The following SLC9C2 variants were observed in gnomAD, a reference collection of about 807,000 sequenced individuals.
The protein encoded by SLC9C2 is sodium/hydrogen exchanger 11.
Under a neutral mutation model 140.2 loss-of-function variants are expected in SLC9C2, and 75 were observed. The ratio of observed to expected loss-of-function variants is 0.53; its 90% CI spans 0.44 to 0.65. The LOEUF (loss-of-function observed/expected upper bound fraction) is 0.65, where lower values mean the gene tolerates loss of function less well. SLC9C2 is among the 30% of genes least tolerant of loss of function. The pLI is 0.00. For synonymous variants in SLC9C2, 375 were observed against 420.9 expected (o/e 0.89, Z 1.34); for missense variants, 1,074 against 1,331.8 (o/e 0.81, Z 3.01).
chr1:173,547,177 T>C (rs1052712097), intron 13 of SLC9C2, among the ~76,000 whole-genome samples: 1 of 152,098 alleles, frequency 6.6e-6, no homozygotes, highest in African/African-American at 2.4e-5. Flanking sequence ...AAATGTACAA[T>C]TTGACAAGCT....
chr1:173,589,585 T>C (rs1010796520), intron 4 of SLC9C2, among the ~76,000 whole-genome samples: 2 of 151,934 alleles, frequency 1.3e-5, no homozygotes, highest in Non-Finnish European at 2.9e-5. Flanking sequence ...TATAAATAAA[T>C]AAAAAGAATT....
At chr1:173,512,826 T>A (rs1195621275) in intron 23 of SLC9C2, among the ~76,000 whole-genome samples, 3 of 152,246 alleles carry the variant, frequency 2.0e-5, no homozygotes, top group Non-Finnish European at 4.4e-5. Context: ...ATATGTTCCA[T>A]CAATACCTAC....
At position 173,505,230 on chromosome 1, in the gene SLC9C2, A is replaced by G. The variant is rs1480585298; in HGVS notation, c.3310+17T>C. 2 of 1,598,894 alleles carry G rather than the reference A, an allele frequency of 1.3e-6. No individual in the cohort carries two copies. The highest frequency in any genetic ancestry group is 1.1e-5 in the South Asian group (1 of 89,932). ...CCTTCTCAATAGTTTTCCTACCACT[A>G]AAGGTCTACCCCTTACCCATGACAT... On this transcript the variant is annotated intron_variant, in intron 26 of 27. Coordinates refer to ENST00000367714, the MANE Select transcript of SLC9C2 (RefSeq NM_178527.4).
intron 11 of SLC9C2, among the ~76,000 whole-genome samples, chr1:173,550,436 A>ATTTTTT (rs1467477294): frequency 5.7e-5 from 7 of 122,898 alleles, no homozygotes; most frequent in African/African-American, 2.3e-4. Flanking sequence ...TTATTTATTT[A>ATTTTTT]TTTATTTATT....
chr1:173,526,813 A>G (rs1661234695), intron 18 of SLC9C2, 99 bp from the exon 19 acceptor site: 1 of 781,462 alleles, frequency 1.3e-6, no homozygotes, highest in Non-Finnish European at 2.1e-6. Context: ...CCTGAGAAGC[A>G]TACTTATTAT....
At chr1:173,569,297 T>A (rs1453374716) in intron 9 of SLC9C2, among the ~76,000 whole-genome samples, 1 of 151,946 alleles carries the variant, frequency 6.6e-6, no homozygotes, top group Non-Finnish European at 1.5e-5. Flanking sequence ...CCTCAGTATG[T>A]CACTTGCATT....
chr1:173,504,661 T>C (rs895353657), intron 26 of SLC9C2, among the ~76,000 whole-genome samples: 7 of 152,060 alleles, frequency 4.6e-5, no homozygotes, highest in Non-Finnish European at 7.4e-5. Flanking sequence ...AGATGGAAGA[T>C]CTTGTGTGTG....
intron 13 of SLC9C2, among the ~76,000 whole-genome samples, chr1:173,541,100 T>C (rs920032033): frequency 1.3e-5 from 2 of 151,888 alleles, no homozygotes; most frequent in Non-Finnish European, 2.9e-5. Flanking sequence ...TGTGCTGTAC[T>C]CAGGAGACTC....
chr1:173,569,779 G>C (rs111866518), intron 9 of SLC9C2, among the ~76,000 whole-genome samples: 1 of 152,018 alleles, frequency 6.6e-6, no homozygotes, highest in Non-Finnish European at 1.5e-5. Context: ...GCAAGACCCT[G>C]TCCCAAAAAG....
At chr1:173,562,866 T>G (rs1047479997) in intron 9 of SLC9C2, among the ~76,000 whole-genome samples, 1 of 152,152 alleles carries the variant, frequency 6.6e-6, no homozygotes, top group African/African-American at 2.4e-5. Context: ...AGCTGATCCC[T>G]TCCCCCAGGG....
At chr1:173,501,327 T>C (rs373320622) in intron 27 of SLC9C2, among the ~76,000 whole-genome samples, 1 of 151,858 alleles carries the variant, frequency 6.6e-6, no homozygotes, top group Non-Finnish European at 1.5e-5. Context: ...TCCATGAGAG[T>C]AGTCTATCAA....
At chr1:173,515,867 T>A (rs1660380917) in intron 23 of SLC9C2, among the ~76,000 whole-genome samples, 1 of 152,210 alleles carries the variant, frequency 6.6e-6, no homozygotes, top group Admixed American at 6.5e-5. Flanking sequence ...TTTGTTGTTG[T>A]TGATGCTGTT....
At chr1:173,564,267 G>A (rs541816167) in intron 9 of SLC9C2, among the ~76,000 whole-genome samples, 9 of 152,266 alleles carry the variant, frequency 5.9e-5, no homozygotes, top group Non-Finnish European at 1.3e-4. Context: ...ACTTTTTTGA[G>A]GAACCTCCAA....
intron 9 of SLC9C2, among the ~76,000 whole-genome samples, chr1:173,568,376 G>A (rs1400495495): frequency 1.3e-5 from 2 of 149,838 alleles, no homozygotes; most frequent in Admixed American, 1.3e-4. Flanking sequence ...GTTATAACAT[G>A]TAGTGTTTGG....
intron 21 of SLC9C2, 42 bp from the exon 22 acceptor site, chr1:173,521,441 C>T (rs755639760): frequency 2.1e-6 from 2 of 961,404 alleles, no homozygotes; most frequent in Non-Finnish European, 2.9e-6. Context: ...AGAGAGTCAA[C>T]ACAAAAGCTT....
intron 15 of SLC9C2, among the ~76,000 whole-genome samples, 177 bp from the exon 16 acceptor site, chr1:173,534,859 T>TA (rs1661829020): frequency 6.6e-6 from 1 of 151,524 alleles, no homozygotes; most frequent in Admixed American, 6.6e-5. Context: ...TGAAGAAAGG[T>TA]AAAAAACATG....
intron 1 of SLC9C2, among the ~76,000 whole-genome samples, 160 bp downstream of exon 1, chr1:173,602,591 G>T (rs919009596): frequency 6.6e-6 from 1 of 152,194 alleles, no homozygotes; most frequent in African/African-American, 2.4e-5. Flanking sequence ...TTCAGCCCCA[G>T]TATCTCACCT....
chr1:173,523,043 T>C (rs1248851338), intron 21 of SLC9C2, among the ~76,000 whole-genome samples: 1 of 152,232 alleles, frequency 6.6e-6, no homozygotes, highest in East Asian at 1.9e-4. Flanking sequence ...GTGTGTTTAT[T>C]GTCTGTCTCC....
intron 13 of SLC9C2, among the ~76,000 whole-genome samples, chr1:173,539,511 T>C (rs1425690942): frequency 6.6e-6 from 1 of 152,178 alleles, no homozygotes; most frequent in Non-Finnish European, 1.5e-5. Context: ...GAGTTCAATA[T>C]GGATTTGAGG....
Sources: gnomAD v4.1 joint callset for allele counts (sites outside exome capture counted in the v4.1 genomes callset) on GRCh38, gnomAD v4.1.1 for gene constraint, MANE v1.5 for transcripts, NCBI Gene and HGNC (gene_info 2026-07-23, HGNC 2026-07-21) for gene names.